The following TMEM178A variants were observed in gnomAD, a reference collection of about 807,000 sequenced individuals.
The protein encoded by TMEM178A is transmembrane protein 178A, also known as transmembrane protein 178.
A neutral mutation model predicts 29.1 loss-of-function variants in TMEM178A; 12 were observed. The observed-to-expected ratio is 0.41, with a 90% CI of 0.26 to 0.67. The LOEUF (loss-of-function observed/expected upper bound fraction) is 0.67, where lower values mean the gene tolerates loss of function less well. TMEM178A is among the 30% of genes least tolerant of loss of function. The pLI is 0.29. For missense variants in TMEM178A, 366 were observed against 419.1 expected (o/e 0.87, Z 1.11); for synonymous variants, 210 against 187.2 (o/e 1.12, Z -0.99).
the TMEM178A span, among the ~76,000 whole-genome samples, chr2:39,729,816 C>T: frequency 1.3e-5 from 2 of 152,276 alleles, no homozygotes; most frequent in East Asian, 1.9e-4. Flanking sequence ...TCTTTTGCTC[C>T]TTAAGCAGAC....
chr2:39,719,400 G>C (rs192869281), downstream of TMEM178A, among the ~76,000 whole-genome samples: 266 of 152,346 alleles, frequency 1.7e-3, 2 homozygotes, highest in African/African-American at 5.6e-3. Flanking sequence ...TCACACACCA[G>C]AAAGATTTGC....
At chr2:39,725,988 C>T in the TMEM178A span, among the ~76,000 whole-genome samples, 1 of 152,128 alleles carries the variant, frequency 6.6e-6, no homozygotes, top group South Asian at 2.1e-4. Context: ...TAGTATGTGC[C>T]AGAGACTGAT....
chr2:39,728,660 C>T, the TMEM178A span, among the ~76,000 whole-genome samples: 1 of 152,162 alleles, frequency 6.6e-6, no homozygotes, highest in South Asian at 2.1e-4. Flanking sequence ...ACACCGAGAT[C>T]ATTAGTACTG....
At chr2:39,681,867 C>T (rs1037399315) in intron 1 of TMEM178A, among the ~76,000 whole-genome samples, 2 of 152,306 alleles carry the variant, frequency 1.3e-5, no homozygotes, top group East Asian at 1.9e-4. Flanking sequence ...AGGAGAATAA[C>T]ATTGGAACTG....
At chr2:39,724,946 A>G in the TMEM178A span, among the ~76,000 whole-genome samples, 3,650 of 152,322 alleles carry the variant, frequency 0.024, 157 homozygotes, top group African/African-American at 0.084. Flanking sequence ...TGTTTCTCAA[A>G]TAAACTGGAC....
the TMEM178A span, among the ~76,000 whole-genome samples, chr2:39,724,732 T>C: frequency 3.9e-5 from 6 of 152,172 alleles, no homozygotes; most frequent in African/African-American, 1.4e-4. Flanking sequence ...GTCATCTCTC[T>C]TTGACAGCAG....
intron 1 of TMEM178A, among the ~76,000 whole-genome samples, chr2:39,691,821 T>A (rs1373962864): frequency 6.6e-6 from 1 of 151,580 alleles, no homozygotes; most frequent in Non-Finnish European, 1.5e-5. Flanking sequence ...CATACATATA[T>A]AAAACATTTT....
At chr2:39,706,474 T>C (rs1230451153) in intron 2 of TMEM178A, among the ~76,000 whole-genome samples, 2 of 152,214 alleles carry the variant, frequency 1.3e-5, no homozygotes, top group African/African-American at 2.4e-5. Flanking sequence ...CAAATTGTTT[T>C]TGAAAATAGG....
chr2:39,675,810 C>T (rs1670599239), intron 1 of TMEM178A, among the ~76,000 whole-genome samples: 1 of 151,968 alleles, frequency 6.6e-6, no homozygotes. Flanking sequence ...GACAAGGTTT[C>T]ATTCTGTTGT....
At chr2:39,680,229 G>A (rs765332138) in intron 1 of TMEM178A, among the ~76,000 whole-genome samples, 1 of 152,142 alleles carries the variant, frequency 6.6e-6, no homozygotes, top group Non-Finnish European at 1.5e-5. Flanking sequence ...GCTTTAACCA[G>A]CTGTAGTTAT....
Position 39,717,056 on chromosome 2 carries a change from G to C in TMEM178A, c.699G>C (p.Ser233=), listed in dbSNP as rs748048353. Residue 233 remains serine, a synonymous_variant, in exon 4 of 4, where the codon TCG becomes TCC. Transcript: ENST00000281961. The stretch of plus-strand genomic sequence containing the variant: ...TCTGTACTTATGCCGCCAGTATCTC[G>C]TATGATTTGAACCGGCTCCCAAAGC... ...ISLCTYAASI[S]YDLNRLPKLI... The C allele has an allele frequency of 2.5e-6, 4 of 1,610,302 alleles. No individual in the cohort carries two copies. The highest frequency in any genetic ancestry group is 1.6e-4 in the Middle Eastern group (1 of 6,080).
the TMEM178A span, among the ~76,000 whole-genome samples, chr2:39,723,166 A>T: frequency 6.6e-6 from 1 of 152,230 alleles, no homozygotes; most frequent in Non-Finnish European, 1.5e-5. Context: ...TGTGATGAAC[A>T]CATAAATACT....
At chr2:39,667,335 ATTTTTTT>A (rs3032158) in intron 1 of TMEM178A, among the ~76,000 whole-genome samples, 1 of 141,280 alleles carries the variant, frequency 7.1e-6, no homozygotes, top group Non-Finnish European at 1.6e-5. Flanking sequence ...AGATAGTTTG[ATTTTTTT>A]TTTTTTTTTG....
chr2:39,692,333 C>T (rs189818472), intron 1 of TMEM178A, among the ~76,000 whole-genome samples: 18 of 152,338 alleles, frequency 1.2e-4, no homozygotes, highest in African/African-American at 4.1e-4. Context: ...TCACTACACA[C>T]ACCCACAAAG....
At chr2:39,694,965 CAG>C (rs1671475853) in intron 1 of TMEM178A, among the ~76,000 whole-genome samples, 1 of 152,144 alleles carries the variant, frequency 6.6e-6, no homozygotes, top group Non-Finnish European at 1.5e-5. Flanking sequence ...CTCTAAAAGT[CAG>C]TGTTAAGCCC....
Position 39,717,328 on chromosome 2 carries a change from A to G in TMEM178A, c.*77A>G. 2 of 1,528,940 alleles carry G rather than the reference A, an allele frequency of 1.3e-6. No individual in the cohort carries two copies. The highest frequency in any genetic ancestry group is 1.8e-6 in the Non-Finnish European group (2 of 1,138,612). The allele number at this position is 1,528,940 out of a possible 1,614,324, so 94.7% of individuals were successfully genotyped here. A position where few individuals can be genotyped will look rare whatever the true frequency, so the allele number is the denominator to read the frequency against. ...GCGGAGTTCAGGAGTCCAAGCACAA[A>G]GCGGTCTTTTACATTCCAACCTGTT... On this transcript the variant is annotated 3_prime_UTR_variant, in exon 4 of 4. Transcript: ENST00000281961.
At position 39,717,940 on chromosome 2, in the gene TMEM178A, A is replaced by G. The variant is rs943848292; in HGVS notation, c.*689A>G. The G allele has an allele frequency of 1.3e-5, 2 of 152,658 alleles. No individual in the cohort carries two copies. Among genetic ancestry groups the G allele is most frequent in the Non-Finnish European group, 2.9e-5 (2 of 68,052 alleles). The allele number at this position is 152,658 out of a possible 1,614,324, so 9.5% of individuals were successfully genotyped here. On this transcript the variant is annotated 3_prime_UTR_variant, in exon 4 of 4. Transcript: ENST00000281961. ...CTCTTTATGTTAACTGGATTTCTGCATTAAATGACTGCCCCCTTGTTAATC... is the reference window on the plus strand; with the variant it reads ...CTCTTTATGTTAACTGGATTTCTGCGTTAAATGACTGCCCCCTTGTTAATC...
intron 1 of TMEM178A, among the ~76,000 whole-genome samples, chr2:39,683,703 C>T (rs967441835): frequency 2.0e-5 from 3 of 152,186 alleles, no homozygotes; most frequent in African/African-American, 7.2e-5. Context: ...GTTAAGTATG[C>T]CACAATCGTG....
chr2:39,696,006 A>G (rs1448282199), intron 1 of TMEM178A, among the ~76,000 whole-genome samples: 1 of 152,244 alleles, frequency 6.6e-6, no homozygotes, highest in African/African-American at 2.4e-5. Flanking sequence ...TTAAAGCCAC[A>G]TATTAAGTTA....
Sources: gnomAD v4.1 joint callset for allele counts (sites outside exome capture counted in the v4.1 genomes callset) on GRCh38, gnomAD v4.1.1 for gene constraint, MANE v1.5 for transcripts, NCBI Gene and HGNC (gene_info 2026-07-23, HGNC 2026-07-21) for gene names.